Variants in ALX1 observed in about 807,000 individuals in gnomAD.
ALX1 encodes ALX homeobox protein 1.
A neutral mutation model predicts 31.7 loss-of-function variants in ALX1; 19 were observed. The ratio of observed to expected loss-of-function variants is 0.60; its 90% CI spans 0.42 to 0.88. The LOEUF is 0.88. Among genes scored for constraint, ALX1 ranks in the 40% least tolerant of loss-of-function variants. ALX1 has a pLI of 0.00. For synonymous variants in ALX1, 153 were observed against 148.8 expected (o/e 1.03, Z -0.20); for missense variants, 415 against 407.8 (o/e 1.02, Z -0.15).
rs777754230 is a variant in ALX1 at position 85,280,472 on chromosome 12, T to C, written c.211T>C (p.Cys71Arg). 20 of 1,611,072 alleles carry C rather than the reference T, an allele frequency of 1.2e-5. No homozygotes were observed. Among genetic ancestry groups the C allele is most frequent in the Non-Finnish European group, 1.6e-5 (19 of 1,179,930 alleles). ...HHVRLERTSP[C>R]QDSSVNYGIT... ...CGTGCGCTTGGAGAGGACCTCGCCCTGTCAGGACAGCAGCGGTGAGTCGCT... is the reference window on the plus strand; with the variant it reads ...CGTGCGCTTGGAGAGGACCTCGCCCCGTCAGGACAGCAGCGGTGAGTCGCT... Residue 71 changes from cysteine to arginine, a missense_variant, in exon 1 of 4, where the codon TGT becomes CGT. Around this residue, in one of 3 missense-constraint regions of ALX1, gnomAD observed 235 missense variants for 208.9 expected, o/e 1.13. Transcript: ENST00000316824.
At chr12:85,286,069 C>A (rs929066347) in intron 2 of ALX1, among the ~76,000 whole-genome samples, 1 of 151,838 alleles carries the variant, frequency 6.6e-6, no homozygotes, top group Non-Finnish European at 1.5e-5. Flanking sequence ...TCTATCTGCC[C>A]TATTTCTTAT....
rs1464258210 is a variant in ALX1 at position 85,289,751 on chromosome 12, C to T, written c.660+2770C>T. On this transcript the variant is annotated intron_variant, in intron 3 of 3. Transcript: ENST00000316824. ...CCCCACTGTAGATACTGGATAAAGC[C>T]GGGGGAATTTTTATTTTAACTTAAA... 2.0e-5 allele frequency among the ~76,000 whole-genome samples: 3 copies of T among 150,940 alleles called. No individual in the cohort carries two copies. The East Asian group carries it at 5.8e-4, about 29-fold the overall frequency.
rs140836451 is a variant in ALX1 at position 85,294,476 on chromosome 12, G to C, written c.661-6679G>C. Among the ~76,000 whole-genome samples the C allele has an allele frequency of 5.2e-4, 78 of 151,156 alleles. No individual in the cohort carries two copies. In the East Asian group the frequency reaches 0.014, roughly 28 times the overall value. ...AACTTTCATTTTAAAGCAATCGTGA[G>C]AGTTTCTATAAATCTTCTTTTTAAA... is the stretch of plus-strand genomic sequence containing the variant. On this transcript the variant is annotated intron_variant, in intron 3 of 3. Coordinates refer to ENST00000316824, the MANE Select transcript of ALX1 (RefSeq NM_006982.3).
In ALX1 at chr12:85,301,616, T is replaced by C. The variant is rs896098255; in HGVS notation, c.*141T>C. On this transcript the variant is annotated 3_prime_UTR_variant, in exon 4 of 4. Coordinates refer to ENST00000316824, the MANE Select transcript of ALX1 (RefSeq NM_006982.3). ...CAGTGAGACCAGCTTAAATGAATAGTTGTTATTTAACATTAAAATCTAAGA... is the reference window on the plus strand; with the variant it reads ...CAGTGAGACCAGCTTAAATGAATAGCTGTTATTTAACATTAAAATCTAAGA... 7.0e-6 allele frequency: 6 copies of C among 862,158 alleles called. No individual in the cohort carries two copies. The African/African-American group carries it at 8.5e-5, about 12-fold the overall frequency. 53.4% of individuals were successfully genotyped at this position (862,158 alleles called of 1,614,324 possible).
rs1236631434 is a variant in ALX1 at position 85,301,595 on chromosome 12, G to A, written c.*120G>A. 3 of 1,015,346 alleles carry A rather than the reference G, an allele frequency of 3.0e-6. No homozygotes were observed. Among genetic ancestry groups the A allele is most frequent in the South Asian group, 2.8e-5 (2 of 71,198 alleles). The allele number at this position is 1,015,346 out of a possible 1,614,324, so 62.9% of individuals were successfully genotyped here. On this transcript the variant is annotated 3_prime_UTR_variant, in exon 4 of 4. Coordinates refer to ENST00000316824, the MANE Select transcript of ALX1 (RefSeq NM_006982.3). ...ATTGCTAAAGGTCAAGATATTCAGT[G>A]AGACCAGCTTAAATGAATAGTTGTT...
rs1896655233 is a variant in ALX1, at chr12:85,280,505, C to T, written c.226+18C>T. ...CAGCAGCGGTGAGTCGCTAGCGCCCCAGCCGGAGCCGCCGCAGCCCTTCCG... is the reference window on the plus strand; with the variant it reads ...CAGCAGCGGTGAGTCGCTAGCGCCCTAGCCGGAGCCGCCGCAGCCCTTCCG... On this transcript the variant is annotated intron_variant, in intron 1 of 3. Transcript: ENST00000316824. 1 of 1,607,302 alleles carries T rather than the reference C, an allele frequency of 6.2e-7. No homozygotes were observed. The highest frequency in any genetic ancestry group is 1.1e-5 in the South Asian group (1 of 90,886).
At chr12:85,291,927 T>C (rs930799295) in intron 3 of ALX1, among the ~76,000 whole-genome samples, 2 of 151,276 alleles carry the variant, frequency 1.3e-5, no homozygotes, top group South Asian at 4.1e-4. Flanking sequence ...TAATAGCTTT[T>C]AGACCTTTGG....
chr12:85,301,179 A>T lies in ALX1; in HGVS notation c.685A>T (p.Asn229Tyr), dbSNP rs1218240167. ...GATTCAGAACAATTTGTGGGCAGGA[A>T]ATGCAAGTGGTGGTTCTGTGGTTAC... ...PQIQNNLWAG[N>Y]ASGGSVVTSC... The change falls in exon 4 of 4, where the codon AAT (asparagine) becomes TAT (tyrosine). Residue 229 changes from asparagine (N) to tyrosine (Y), a missense_variant. Physicochemically the swap from Asn to Tyr is moderately radical, Grantham distance 143. Coordinates refer to ENST00000316824, the MANE Select transcript of ALX1 (RefSeq NM_006982.3). 2 of 1,613,996 alleles carry T rather than the reference A, an allele frequency of 1.2e-6. No individual in the cohort carries two copies. Among genetic ancestry groups the T allele is most frequent in the Admixed American group, 3.3e-5 (2 of 59,986 alleles).
At chr12:85,298,344 A>G (rs1159144395) in intron 3 of ALX1, among the ~76,000 whole-genome samples, 2 of 151,756 alleles carry the variant, frequency 1.3e-5, no homozygotes, top group Non-Finnish European at 3.0e-5. Context: ...TATATTTAAC[A>G]TAATGCCTCA....
intron 1 of ALX1, among the ~76,000 whole-genome samples, chr12:85,281,425 CCA>C (rs1428633774): frequency 6.6e-6 from 1 of 152,126 alleles, no homozygotes; most frequent in Non-Finnish European, 1.5e-5. Flanking sequence ...TGTATATATT[CCA>C]CAGTTAAGCT....
In ALX1 at chr12:85,301,660, T is replaced by C; in HGVS notation, c.*185T>C. On this transcript the variant is annotated 3_prime_UTR_variant, in exon 4 of 4. Transcript: ENST00000316824. ...TCTAAGAATGAACCTCTGAAAAGAC[T>C]AAATAGGTTTACCATGTGCCAGTCT... The C allele has an allele frequency of 1.5e-6, 1 of 689,618 alleles. No homozygotes were observed. Among genetic ancestry groups the C allele is most frequent in the South Asian group, 2.0e-5 (1 of 51,056 alleles). 42.7% of individuals were successfully genotyped at this position (689,618 alleles called of 1,614,324 possible).
chr12:85,298,297 C>T lies in ALX1; in HGVS notation c.661-2858C>T, dbSNP rs79732553. Among the ~76,000 whole-genome samples the T allele has an allele frequency of 4.4e-3, 663 of 151,814 alleles. 5 individuals carry two copies. Among genetic ancestry groups the T allele is most frequent in the African/African-American group, 0.015 (638 of 41,502 alleles). ...AAAAGGGGGATAGCAAAAGAACACGCTGTTTAGTGTACTGAAACAATTAAA... is the reference window on the plus strand; with the variant it reads ...AAAAGGGGGATAGCAAAAGAACACGTTGTTTAGTGTACTGAAACAATTAAA... On this transcript the variant is annotated intron_variant, in intron 3 of 3. Coordinates refer to ENST00000316824, the MANE Select transcript of ALX1 (RefSeq NM_006982.3).
chr12:85,284,100 GAC>G (rs1377912359), intron 2 of ALX1, among the ~76,000 whole-genome samples: 1 of 151,512 alleles, frequency 6.6e-6, no homozygotes, highest in Non-Finnish European at 1.5e-5. Flanking sequence ...TTATTACAGA[GAC>G]ATAAAAATTA....
In ALX1 at chr12:85,280,680, C is replaced by A. The variant is rs73365758; in HGVS notation, c.226+193C>A. On this transcript the variant is annotated intron_variant, in intron 1 of 3. Transcript: ENST00000316824. The stretch of plus-strand genomic sequence containing the variant: ...TGCTGCAGCCTTTGGGGGCGGAGGG[C>A]GGAGGGAGGGAGAGATCCAGCACCG... 0.14 allele frequency among the ~76,000 whole-genome samples: 21,937 copies of A among 151,968 alleles called. 3,183 individuals carry two copies. Among genetic ancestry groups the A allele is most frequent in the African/African-American group, 0.37 (15,473 of 41,388 alleles).
intron 3 of ALX1, among the ~76,000 whole-genome samples, chr12:85,290,805 G>A (rs575094157): frequency 1.3e-5 from 2 of 150,968 alleles, no homozygotes; most frequent in South Asian, 4.2e-4. Flanking sequence ...CCTCACCTAA[G>A]CCATATTTAC....
At chr12:85,292,960 G>A (rs544507919) in intron 3 of ALX1, among the ~76,000 whole-genome samples, 34 of 149,566 alleles carry the variant, frequency 2.3e-4, no homozygotes, top group African/African-American at 7.3e-4. Context: ...CTAATATAGC[G>A]GTAATTAATA....
At chr12:85,294,473 TGA>T (rs1213135065) in intron 3 of ALX1, among the ~76,000 whole-genome samples, 1 of 151,144 alleles carries the variant, frequency 6.6e-6, no homozygotes, top group Non-Finnish European at 1.5e-5. Context: ...AAAGCAATCG[TGA>T]GAGTTTCTAT....
At chr12:85,287,709 T>C (rs1017591848) in intron 3 of ALX1, among the ~76,000 whole-genome samples, 6 of 151,586 alleles carry the variant, frequency 4.0e-5, no homozygotes, top group African/African-American at 1.4e-4. Context: ...TGTAAATGTT[T>C]GTCTTTCTAA....
At chr12:85,295,735 G>A (rs1325220906) in intron 3 of ALX1, among the ~76,000 whole-genome samples, 1 of 151,428 alleles carries the variant, frequency 6.6e-6, no homozygotes, top group Non-Finnish European at 1.5e-5. Context: ...GCAGACGTAT[G>A]GGTATGTATG....
Sources: gnomAD v4.1 joint callset for allele counts (sites outside exome capture counted in the v4.1 genomes callset) on GRCh38, gnomAD v4.1.1 for gene constraint, gnomAD v4.1.1 regional missense constraint, MANE v1.5 for transcripts, NCBI Gene and HGNC (gene_info 2026-07-23, HGNC 2026-07-21) for gene names.